CLIC2: variants seen among roughly 807,000 people sequenced by gnomAD.
The protein encoded by CLIC2 is chloride intracellular channel protein 2.
CLIC2 carries 9 observed loss-of-function variants against 14.8 expected under a neutral mutation model. The observed-to-expected ratio is 0.61, with a 90% CI of 0.37 to 1.06. The LOEUF (loss-of-function observed/expected upper bound fraction) is 1.06. Ranked by LOEUF, CLIC2 falls within the 50% of genes least tolerant of loss-of-function variation. The probability of loss-of-function intolerance (pLI) is 0.01; values close to 1 mark genes in which losing one functional copy is unlikely to be tolerated. For synonymous variants in CLIC2, 61 were observed against 66.3 expected (o/e 0.92, Z 0.39); for missense variants, 148 against 181.4 (o/e 0.82, Z 1.06).
intron 1 of CLIC2, among the ~76,000 whole-genome samples, chrX:155,331,812 T>C (rs1421993603): frequency 9.0e-6 from 1 of 111,440 alleles, no homozygotes; most frequent in Non-Finnish European, 1.9e-5. Flanking sequence ...TGAATTTTTA[T>C]ATTAATCAGT....
chrX:155,278,501 G>A (rs950969374), intron 5 of CLIC2, among the ~76,000 whole-genome samples: 4 of 112,136 alleles, frequency 3.6e-5, no homozygotes, highest in Non-Finnish European at 7.5e-5. Context: ...GCCCAAATTG[G>A]TTATTCCCTA....
intron 1 of CLIC2, among the ~76,000 whole-genome samples, chrX:155,299,682 C>T (rs782357097): frequency 1.4e-3 from 152 of 105,995 alleles, no homozygotes; most frequent in Non-Finnish European, 2.6e-3. Context: ...CCCACTAACT[C>T]GTCATCTAGC....
chrX:155,285,295 TTG>T (rs1315369847), intron 3 of CLIC2, among the ~76,000 whole-genome samples: 2 of 112,160 alleles, frequency 1.8e-5, no homozygotes, highest in East Asian at 5.6e-4. Context: ...CCAGTGGTTG[TTG>T]TGTGTTATCG....
At chrX:155,285,673 T>A (rs782742016) in intron 3 of CLIC2, among the ~76,000 whole-genome samples, 4 of 111,581 alleles carry the variant, frequency 3.6e-5, no homozygotes, top group African/African-American at 1.3e-4. Context: ...AGACATATTG[T>A]CACCATGAGT....
At position 155,276,763 on chromosome X, in the gene CLIC2, T is replaced by G. The variant is rs782451717; in HGVS notation, c.*1140A>C. 8.9e-6 allele frequency: 1 copy of G among 112,318 alleles called. No individual in the cohort carries two copies. The highest frequency in any genetic ancestry group is 1.9e-5 in the Non-Finnish European group (1 of 53,224). The allele number at this position is 112,318 out of a possible 1,213,427, so 9.3% of individuals were successfully genotyped here. A position where few individuals can be genotyped will look rare whatever the true frequency, so the allele number is the denominator to read the frequency against. On this transcript the variant is annotated 3_prime_UTR_variant, in exon 6 of 6. Coordinates refer to ENST00000369449, the MANE Select transcript of CLIC2 (RefSeq NM_001289.6). ...AAATATACTGATGACAGGATGTATCTCAAAGATTATCAACATGATTGCATT... is the reference window on the plus strand; with the variant it reads ...AAATATACTGATGACAGGATGTATCGCAAAGATTATCAACATGATTGCATT...
At chrX:155,285,955 G>T (rs1025954958) in intron 3 of CLIC2, among the ~76,000 whole-genome samples, 3 of 108,484 alleles carry the variant, frequency 2.8e-5, no homozygotes, top group Admixed American at 9.8e-5. Context: ...GAAAGAGGAG[G>T]CCCCCCAAAA....
intron 1 of CLIC2, among the ~76,000 whole-genome samples, chrX:155,304,628 CTG>C (rs2075039761): frequency 9.7e-6 from 1 of 103,553 alleles, no homozygotes; most frequent in East Asian, 3.0e-4. Context: ...TGGTGAGGAA[CTG>C]CGTTCCTTTG....
chrX:155,307,269 A>G (rs1250722943), intron 1 of CLIC2, among the ~76,000 whole-genome samples: 1 of 111,433 alleles, frequency 9.0e-6, no homozygotes, highest in African/African-American at 3.3e-5. Flanking sequence ...CTGAGGAAGT[A>G]GCATTTAAAC....
chrX:155,289,195 A>T (rs782474063), intron 3 of CLIC2, among the ~76,000 whole-genome samples: 2 of 111,602 alleles, frequency 1.8e-5, no homozygotes, highest in East Asian at 5.6e-4. Context: ...ATTTCTGATA[A>T]CTGATTTACG....
chrX:155,280,990 G>GAGAT lies in CLIC2; in HGVS notation c.294-923_294-922insATCT, dbSNP rs1557316382. 5.8e-4 allele frequency among the ~76,000 whole-genome samples: 52 copies of GAGAT among 89,886 alleles called. 1 individual carries two copies. Among genetic ancestry groups the GAGAT allele is most frequent in the South Asian group, 3.8e-3 (6 of 1,565 alleles). The allele number at this position is 89,886 out of a possible 115,157, so 78.1% of individuals were successfully genotyped here. ...AGATGAATGGATATAGAAATTGTGA[G>GAGAT]ATATATATATATATATATATATATG... is the stretch of plus-strand genomic sequence containing the variant. On this transcript the variant is annotated intron_variant, in intron 3 of 5. Transcript: ENST00000369449.
intron 1 of CLIC2, among the ~76,000 whole-genome samples, chrX:155,325,594 G>T (rs920615784): frequency 9.4e-6 from 1 of 106,321 alleles, no homozygotes; most frequent in African/African-American, 3.4e-5. Context: ...GTTGCGGAGT[G>T]GGGGGAAATG....
intron 3 of CLIC2, among the ~76,000 whole-genome samples, chrX:155,289,964 T>C (rs1449161999): frequency 1.8e-5 from 2 of 112,305 alleles, no homozygotes; most frequent in Non-Finnish European, 3.8e-5. Context: ...TCTAGCCTGG[T>C]CTTTAACATA....
intron 1 of CLIC2, among the ~76,000 whole-genome samples, chrX:155,314,891 T>C (rs891562165): frequency 4.5e-5 from 5 of 110,981 alleles, no homozygotes; most frequent in African/African-American, 1.3e-4. Context: ...ATGAAATAGA[T>C]AGCATAAATA....
chrX:155,297,647 C>G (rs781799929), intron 3 of CLIC2, among the ~76,000 whole-genome samples: 1 of 99,608 alleles, frequency 1.0e-5, no homozygotes, highest in East Asian at 3.2e-4. Flanking sequence ...TTGAGACCAT[C>G]CTGGCTAACA....
At chrX:155,291,381 G>A (rs1273952530) in intron 3 of CLIC2, 12 of 640,145 alleles carry the variant, frequency 1.9e-5, no homozygotes, top group South Asian at 1.6e-4. Context: ...GGGACGTGGC[G>A]GCGGCCACTA....
intron 1 of CLIC2, among the ~76,000 whole-genome samples, chrX:155,312,979 A>C (rs2075079790): frequency 9.0e-6 from 1 of 111,264 alleles, no homozygotes; most frequent in Non-Finnish European, 1.9e-5. Flanking sequence ...AACACCCCTG[A>C]TAATTAGAGA....
intron 1 of CLIC2, among the ~76,000 whole-genome samples, chrX:155,328,833 G>T (rs1434720642): frequency 9.1e-6 from 1 of 110,407 alleles, no homozygotes; most frequent in African/African-American, 3.3e-5. Context: ...CATTTACAAT[G>T]AACTCATTTT....
In CLIC2 at chrX:155,292,818, A is replaced by G. The variant is rs946667346; in HGVS notation, c.293+5967T>C. The stretch of plus-strand genomic sequence containing the variant: ...ACAAACAAATAAAAAAGCTGCCAAA[A>G]AAAGCAGCAACTTAAACCGGGAACG... On this transcript the variant is annotated intron_variant, in intron 3 of 5. Transcript: ENST00000369449. 7 of 860,983 alleles carry G rather than the reference A, an allele frequency of 8.1e-6. No individual in the cohort carries two copies. The African/African-American group carries it at 1.4e-4, about 18-fold the overall frequency. 71.0% of individuals were successfully genotyped at this position (860,983 alleles called of 1,213,427 possible).
At chrX:155,323,857 C>CA (rs2124215755) in intron 1 of CLIC2, among the ~76,000 whole-genome samples, 1 of 112,093 alleles carries the variant, frequency 8.9e-6, no homozygotes, top group South Asian at 3.7e-4. Context: ...AATCAATGTG[C>CA]AAAAATCACA....
Sources: allele counts gnomAD v4.1 joint callset (sites outside exome capture counted in the v4.1 genomes callset), GRCh38; gene constraint gnomAD v4.1.1; transcripts MANE v1.5; gene names NCBI Gene and HGNC (gene_info 2026-07-23, HGNC 2026-07-21).